TSPO: variants seen among roughly 807,000 people sequenced by gnomAD.
The protein encoded by TSPO is benzodiazepine peripheral binding site.
TSPO carries 14 observed loss-of-function variants against 13.9 expected under a neutral mutation model. The ratio of observed to expected loss-of-function variants is 1.01; its 90% CI spans 0.67 to 1.58. The LOEUF (loss-of-function observed/expected upper bound fraction) is 1.58, where lower values mean the gene tolerates loss of function less well. Among genes scored for constraint, TSPO ranks in the 40% most tolerant of loss-of-function variants. The probability of loss-of-function intolerance (pLI) is 0.00; values close to 1 mark genes in which losing one functional copy is unlikely to be tolerated. For synonymous variants in TSPO, 114 were observed against 105.9 expected (o/e 1.08, Z -0.47); for missense variants, 232 against 229.6 (o/e 1.01, Z -0.07).
Position 43,162,869 on chromosome 22 carries a change from AGCCCGCTGGCCGCCC to A in TSPO, c.392_406del (p.Pro131_Arg135del). The A allele has an allele frequency of 6.3e-7, 1 of 1,580,092 alleles. No homozygotes were observed. The highest frequency in any genetic ancestry group is 8.6e-7 in the Non-Finnish European group (1 of 1,164,242). Reference sequence around the variant, plus strand: ...CACTACCGTGGCCTGGTACCAGGTGAGCCCGCTGGCCGCCCGCCTGCTCTACCCCTACCTGGCCTG... The same window carrying A: ...CACTACCGTGGCCTGGTACCAGGTGAGCCTGCTCTACCCCTACCTGGCCTG... On this transcript the variant is annotated inframe_deletion, in exon 4 of 4. Transcript: ENST00000337554.
rs1055710117 is a variant in TSPO, at chr22:43,162,748, T to C, written c.322-55T>C. On this transcript the variant is annotated intron_variant, in intron 3 of 3. Transcript: ENST00000337554. ...GGGAGTTGGGCAGTGGGACAGGCAC[T>C]TGGGTGAACGCGGTGCCTCAGGCCT... The C allele has an allele frequency of 2.4e-5, 35 of 1,470,222 alleles. No homozygotes were observed. In the East Asian group the frequency reaches 8.3e-4, roughly 35 times the overall value. 91.1% of individuals were successfully genotyped at this position (1,470,222 alleles called of 1,614,324 possible). A position where few individuals can be genotyped will look rare whatever the true frequency, so the allele number is the denominator to read the frequency against.
chr22:43,162,401 C>T (rs112258901), intron 3 of TSPO, among the ~76,000 whole-genome samples: 5,897 of 152,256 alleles, frequency 0.039, 401 homozygotes, highest in African/African-American at 0.14. Context: ...GGATTACAGG[C>T]GTGAGCCACT....
chr22:43,159,257 C>A lies in TSPO; in HGVS notation c.19C>A (p.Pro7Thr). 1 of 1,556,908 alleles carries A rather than the reference C, an allele frequency of 6.4e-7. No individual in the cohort carries two copies. Among genetic ancestry groups the A allele is most frequent in the South Asian group, 1.2e-5 (1 of 84,160 alleles). Residue 7 changes from proline to threonine, a missense_variant, in exon 2 of 4, where the codon CCC becomes ACC. Physicochemically the swap from Pro to Thr is conservative, Grantham distance 38. Transcript: ENST00000337554. ...AGCAGCCATGGCCCCGCCCTGGGTG[C>A]CCGCCATGGGCTTCACGCTGGCGCC... MAPPWV[P>T]AMGFTLAPSL...
In TSPO at chr22:43,163,232, G is replaced by A; in HGVS notation, c.*241G>A. ...ATTTTATAAGCTGAATAAAGTTTTT[G>A]ACTTCCTTTACCATGGCCTTTTTGC... On this transcript the variant is annotated 3_prime_UTR_variant, in exon 4 of 4. Transcript: ENST00000337554. The A allele has an allele frequency of 7.7e-7, 1 of 1,295,380 alleles. No individual in the cohort carries two copies. Among genetic ancestry groups the A allele is most frequent in the Non-Finnish European group, 1.0e-6 (1 of 979,734 alleles). 80.2% of individuals were successfully genotyped at this position (1,295,380 alleles called of 1,614,324 possible).
Position 43,163,035 on chromosome 22 carries a change from T to G in TSPO, c.*44T>G. ...ACTGCAGCTGCACCAGCAGGTGCCA[T>G]CACGCTTGTGATGTGGTGGCCGTCA... On this transcript the variant is annotated 3_prime_UTR_variant, in exon 4 of 4. Coordinates refer to ENST00000337554, the MANE Select transcript of TSPO (RefSeq NM_000714.6). 1.3e-6 allele frequency: 2 copies of G among 1,572,528 alleles called. No homozygotes were observed. Among genetic ancestry groups the G allele is most frequent in the Non-Finnish European group, 1.7e-6 (2 of 1,159,322 alleles).
At position 43,159,576 on chromosome 22, in the gene TSPO, G is replaced by C. The variant is rs574309140; in HGVS notation, c.182+156G>C. ...AGGGTGGGGAAGCTGTGGGCCTGTC[G>C]ATTGCACAACTGAACTTTCTCCTCC... On this transcript the variant is annotated intron_variant, in intron 2 of 3. Transcript: ENST00000337554. 4.5e-5 allele frequency: 36 copies of C among 802,342 alleles called. No homozygotes were observed. The South Asian group carries it at 9.6e-4, about 21-fold the overall frequency. The allele number at this position is 802,342 out of a possible 1,614,324, so 49.7% of individuals were successfully genotyped here.
At chr22:43,156,194 C>G (rs1254503513) in intron 1 of TSPO, among the ~76,000 whole-genome samples, 1 of 152,158 alleles carries the variant, frequency 6.6e-6, no homozygotes. Context: ...ACCCTGCTCT[C>G]TTGCTGTGGC....
chr22:43,154,624 C>A (rs566480932), intron 1 of TSPO, among the ~76,000 whole-genome samples: 12 of 152,194 alleles, frequency 7.9e-5, no homozygotes, highest in African/African-American at 2.9e-4. Flanking sequence ...TCCCAAAGTG[C>A]TGAGATTACA....
chr22:43,158,912 C>T (rs576655249), intron 1 of TSPO, among the ~76,000 whole-genome samples: 61 of 152,000 alleles, frequency 4.0e-4, no homozygotes, highest in African/African-American at 1.5e-3. Flanking sequence ...CCCAGGGAGG[C>T]AGGCTGGGAA....
intron 1 of TSPO, among the ~76,000 whole-genome samples, 158 bp from the exon 2 acceptor site, chr22:43,159,052 C>T (rs541555353): frequency 7.9e-5 from 12 of 152,290 alleles, no homozygotes; most frequent in Non-Finnish European, 1.5e-4. Context: ...GCTGGAAATG[C>T]GTTCACTCAG....
chr22:43,157,889 T>G (rs923545512), intron 1 of TSPO, among the ~76,000 whole-genome samples: 2 of 152,256 alleles, frequency 1.3e-5, no homozygotes, highest in Admixed American at 6.5e-5. Flanking sequence ...GGGGTCATTC[T>G]GTAGTCAATG....
At chr22:43,160,199 C>A (rs947947208) in intron 2 of TSPO, among the ~76,000 whole-genome samples, 1 of 152,118 alleles carries the variant, frequency 6.6e-6, no homozygotes, top group Non-Finnish European at 1.5e-5. Context: ...CAGCCAGGGT[C>A]CTGCACTTCC....
chr22:43,161,320 C>T, intron 3 of TSPO, 130 bp downstream of exon 3: 1 of 1,330,696 alleles, frequency 7.5e-7, no homozygotes, highest in Non-Finnish European at 1.0e-6. Flanking sequence ...GTCTCTCTAG[C>T]TGTAAGCAGC....
intron 1 of TSPO, among the ~76,000 whole-genome samples, chr22:43,155,674 A>G (rs1256980768): frequency 6.6e-6 from 1 of 152,186 alleles, no homozygotes; most frequent in African/African-American, 2.4e-5. Context: ...CAAGAAGCAG[A>G]CACAGCGGGT....
Position 43,154,906 on chromosome 22 carries a change from C to T in TSPO, c.-30+3302C>T, listed in dbSNP as rs145169167. On this transcript the variant is annotated intron_variant, in intron 1 of 3. Coordinates refer to ENST00000337554, the MANE Select transcript of TSPO (RefSeq NM_000714.6). The stretch of plus-strand genomic sequence containing the variant: ...CTCTGTGGGGGCTGGGATGTTGCCG[C>T]GGCAGGTGGAGAGAGTGATGCTACT... Among the ~76,000 whole-genome samples, 693 of 152,166 alleles carry T rather than the reference C, an allele frequency of 4.6e-3. 6 individuals carry two copies. The highest frequency in any genetic ancestry group is 0.015 in the African/African-American group (640 of 41,492).
intron 1 of TSPO, 43 bp from the exon 2 acceptor site, chr22:43,159,167 T>C (rs1445933902): frequency 1.4e-6 from 2 of 1,404,666 alleles, no homozygotes; most frequent in African/African-American, 1.5e-5. Flanking sequence ...CCTGACCCCA[T>C]GGCCTCAGGA....
At chr22:43,161,242 G>A (rs1931428260) in intron 3 of TSPO, 52 bp downstream of exon 3, 3 of 1,574,552 alleles carry the variant, frequency 1.9e-6, no homozygotes, top group African/African-American at 2.7e-5. Context: ...ACCCTTGGAG[G>A]ACGTGGGGCA....
intron 1 of TSPO, 31 bp downstream of exon 1, chr22:43,151,635 C>G (rs1346222655): frequency 6.6e-6 from 1 of 152,266 alleles, no homozygotes; most frequent in Non-Finnish European, 1.5e-5. Flanking sequence ...GAGGGGGCAG[C>G]GGGAAGTGGG....
chr22:43,159,429 G>T lies in TSPO; in HGVS notation c.182+9G>T, dbSNP rs537752213. On this transcript the variant is annotated intron_variant, in intron 2 of 3. Coordinates refer to ENST00000337554, the MANE Select transcript of TSPO (RefSeq NM_000714.6). ...CTCTACTCAGCCATGGGGTAGGTGG[G>T]CGTGCACTGGCCTGGGGATAAGCCT... The T allele has an allele frequency of 2.7e-6, 4 of 1,499,304 alleles. No homozygotes were observed. Among genetic ancestry groups the T allele is most frequent in the African/African-American group, 1.4e-5 (1 of 71,724 alleles). The allele number at this position is 1,499,304 out of a possible 1,614,324, so 92.9% of individuals were successfully genotyped here.
Sources: gnomAD v4.1 joint callset for allele counts (sites outside exome capture counted in the v4.1 genomes callset) on GRCh38, gnomAD v4.1.1 for gene constraint, MANE v1.5 for transcripts, NCBI Gene and HGNC (gene_info 2026-07-23, HGNC 2026-07-21) for gene names.